CHRNA5: variants seen among roughly 807,000 people sequenced by gnomAD.
CHRNA5 encodes neuronal acetylcholine receptor subunit alpha-5.
Under a neutral mutation model 41.2 loss-of-function variants are expected in CHRNA5, and 28 were observed. That is an observed-to-expected ratio of 0.68 (90% CI 0.50 to 0.93). CHRNA5 has a LOEUF of 0.93. CHRNA5 is among the 40% of genes least tolerant of loss of function. The pLI is 0.00. For missense variants in CHRNA5, 481 were observed against 581.9 expected, an observed-to-expected ratio of 0.83 and a Z score of 1.78; for synonymous variants, 188 against 205.8, an observed-to-expected ratio of 0.91 and a Z score of 0.74.
exon 5 of CHRNA5, chr15:78,590,036 T>C (rs751219920): frequency 1.2e-6 from 2 of 1,614,144 alleles, no homozygotes; most frequent in South Asian, 2.2e-5. Flanking sequence ...TTTTTGATAA[T>C]GGAGAATGGG....
chr15:78,582,484 CA>C (rs1226351992), intron 2 of CHRNA5, among the ~76,000 whole-genome samples: 24 of 102,970 alleles, frequency 2.3e-4, no homozygotes, highest in Non-Finnish European at 2.9e-4. Context: ...GACTCTGTCT[CA>C]AAAAAAAAAA....
At position 78,588,360 on chromosome 15, in the gene CHRNA5, G is replaced by T; in HGVS notation, c.350G>T (p.Gly117Val). ...AGATGGAACCCTGATGACTATGGTG[G>T]AATAAAAGTTATACGTGTTCCTTCA... Residue 117 changes from glycine to valine, a missense_variant, in exon 4 of 6, where the codon GGA (glycine) becomes GTA (valine). Coordinates refer to ENST00000299565, the Ensembl canonical transcript of CHRNA5. The surrounding 1 kb of genome is among the most constrained non-coding windows in gnomAD (Gnocchi z 4.1). The T allele has an allele frequency of 2.5e-6, 4 of 1,592,590 alleles. No homozygotes were observed. The highest frequency in any genetic ancestry group is 3.4e-6 in the Non-Finnish European group (4 of 1,167,274).
chr15:78,589,630 A>G, intron 4 of CHRNA5, 175 bp from the exon 5 acceptor site: 1 of 546,850 alleles, frequency 1.8e-6, no homozygotes, highest in Non-Finnish European at 3.2e-6. Flanking sequence ...TATTTAAGGA[A>G]GATATTCCTG....
chr15:78,590,698 A>C lies in CHRNA5; in HGVS notation c.1245+62A>C, dbSNP rs957002666. On this transcript the variant is annotated intron_variant, in intron 5 of 5. Transcript: ENST00000299565. ...CATTTTAAGTTCAGAAGTTACTTTC[A>C]TTAATTTTGGCAGAGTAAACAGCAT... is the stretch of plus-strand genomic sequence containing the variant. 99 of 1,437,384 alleles carry C rather than the reference A, an allele frequency of 6.9e-5. 1 individual carries two copies. In the Admixed American group the frequency reaches 1.4e-3, roughly 21 times the overall value. 89.0% of individuals were successfully genotyped at this position (1,437,384 alleles called of 1,614,324 possible).
chr15:78,586,578 T>A (rs1832497895), intron 2 of CHRNA5, 67 bp from the exon 3 acceptor site: 1 of 956,440 alleles, frequency 1.0e-6, no homozygotes, highest in Non-Finnish European at 1.6e-6. Context: ...AATGTGAAAT[T>A]TATTATTTAA....
chr15:78,569,673 C>A (rs2052782310), intron 1 of CHRNA5, among the ~76,000 whole-genome samples: 1 of 151,726 alleles, frequency 6.6e-6, no homozygotes, highest in African/African-American at 2.4e-5. Flanking sequence ...GACCTCATGA[C>A]CCGCCCGCCT....
chr15:78,578,946 T>C (rs680244), intron 1 of CHRNA5, among the ~76,000 whole-genome samples: 91,979 of 152,022 alleles, frequency 0.61, 28,141 homozygotes, highest in Middle Eastern at 0.76. Context: ...TCTTCAGAGA[T>C]GCTTATTTGA....
intron 1 of CHRNA5, among the ~76,000 whole-genome samples, chr15:78,571,611 TGTCTC>T (rs2052806067): frequency 6.7e-6 from 1 of 149,454 alleles, no homozygotes. Context: ...GTGTACAAGT[TGTCTC>T]GTCTCCTCGA....
At position 78,586,716 on chromosome 15, in the gene CHRNA5, C is replaced by T. The variant is rs55982512; in HGVS notation, c.303+27C>T. On this transcript the variant is annotated intron_variant, in intron 3 of 5. Transcript: ENST00000299565. ...TATGTGTGTAAAATTCAAACGGGCA[C>T]CCAATTAGTGACTGGGACACCTATT... 3.9e-3 allele frequency: 6,002 copies of T among 1,550,384 alleles called. 24 individuals carry two copies. Among genetic ancestry groups the T allele is most frequent in the Middle Eastern group, 6.4e-3 (38 of 5,916 alleles).
intron 1 of CHRNA5, among the ~76,000 whole-genome samples, chr15:78,570,204 T>G (rs1412454511): frequency 1.3e-5 from 2 of 152,084 alleles, no homozygotes; most frequent in African/African-American, 4.8e-5. Flanking sequence ...AAATGTTAAT[T>G]TAGATGTTTT....
rs149941240 is a variant in CHRNA5, at chr15:78,591,693, TTTCC to T, written c.1245+1064_1245+1067del. ...GTTAATGATTTAATTTCAATAAGAC[TTTCC>T]TTCCTTATTTTATTGTATTTCAATA... On this transcript the variant is annotated intron_variant, in intron 5 of 5. Transcript: ENST00000299565. Among the ~76,000 whole-genome samples the T allele has an allele frequency of 9.3e-3, 1,417 of 152,284 alleles. 133 individuals are homozygous for T. The East Asian group carries it at 0.24, about 26-fold the overall frequency.
intron 2 of CHRNA5, among the ~76,000 whole-genome samples, chr15:78,586,205 C>A (rs2052960041): frequency 6.6e-6 from 1 of 152,172 alleles, no homozygotes; most frequent in South Asian, 2.1e-4. Flanking sequence ...TACCGTATCT[C>A]ACTGATTCTA....
At chr15:78,569,144 G>A (rs2141395138) in intron 1 of CHRNA5, among the ~76,000 whole-genome samples, 1 of 152,204 alleles carries the variant, frequency 6.6e-6, no homozygotes, top group East Asian at 1.9e-4. Context: ...TGGAGGGTAG[G>A]ATTTCATTTG....
intron 1 of CHRNA5, among the ~76,000 whole-genome samples, chr15:78,577,884 T>C (rs1463134800): frequency 6.7e-6 from 1 of 148,720 alleles, no homozygotes; most frequent in South Asian, 2.1e-4. Context: ...TGAGCCAAGA[T>C]TGCACCATTG....
chr15:78,586,770 AAGAGTATG>A, intron 3 of CHRNA5, 81 bp downstream of exon 3: 3 of 996,670 alleles, frequency 3.0e-6, no homozygotes, highest in Non-Finnish European at 3.1e-6. Context: ...GCAGAAATAC[AAGAGTATG>A]TATATTTGTG....
rs932902057 is a variant in CHRNA5, at chr15:78,588,246, A to C, written c.304-68A>C. ...GTCTAAAATTTCTGGTGTGACAAAA[A>C]AGTATGGTATTCACTGTTTTTGACT... On this transcript the variant is annotated intron_variant, in intron 3 of 5. Transcript: ENST00000299565. This position sits in a 1 kb window ranked among gnomAD's most constrained non-coding sequence, Gnocchi z 4.1. The C allele has an allele frequency of 1.3e-6, 1 of 795,964 alleles. No homozygotes were observed. Among genetic ancestry groups the C allele is most frequent in the Non-Finnish European group, 2.0e-6 (1 of 499,386 alleles). 49.3% of individuals were successfully genotyped at this position (795,964 alleles called of 1,614,324 possible).
intron 1 of CHRNA5, among the ~76,000 whole-genome samples, chr15:78,576,051 AG>A (rs1297769155): frequency 6.6e-6 from 1 of 152,208 alleles, no homozygotes; most frequent in Non-Finnish European, 1.5e-5. Flanking sequence ...GTCCCCTATC[AG>A]ATACATGATT....
rs1567058331 is a variant in CHRNA5 at position 78,582,498 on chromosome 15, AAAG to A, written c.258+1539_258+1541del. 2.2e-3 allele frequency among the ~76,000 whole-genome samples: 195 copies of A among 87,966 alleles called. 3 individuals are homozygous for A. Among genetic ancestry groups the A allele is most frequent in the Middle Eastern group, 8.5e-3 (1 of 118 alleles). The allele number at this position is 87,966 out of a possible 152,430, so 57.7% of individuals were successfully genotyped here. On this transcript the variant is annotated intron_variant, in intron 2 of 5. Transcript: ENST00000299565. Reference sequence around the variant, plus strand: ...AGACTCTGTCTCAAAAAAAAAAAGAAAAGAAAAGAAAAAGTAAGGTGGGTGGGG... The same window carrying A: ...AGACTCTGTCTCAAAAAAAAAAAGAAAAAAGAAAAAGTAAGGTGGGTGGGG...
chr15:78,591,888 G>C (rs2053018975), intron 5 of CHRNA5, among the ~76,000 whole-genome samples: 1 of 152,188 alleles, frequency 6.6e-6, no homozygotes, highest in South Asian at 2.1e-4. Context: ...GCTATCATTG[G>C]AGTTTTTAAA....
Sources: gnomAD v4.1 joint callset for allele counts (sites outside exome capture counted in the v4.1 genomes callset) on GRCh38, gnomAD v4.1.1 for gene constraint, Gnocchi (gnomAD v3.1) non-coding constraint, MANE v1.5 for transcripts, NCBI Gene and HGNC (gene_info 2026-07-23, HGNC 2026-07-21) for gene names.